RBPJ: variants seen among roughly 807,000 people sequenced by gnomAD.
RBPJ encodes recombining binding protein suppressor of hairless.
Under a neutral mutation model 67.8 loss-of-function variants are expected in RBPJ, and 9 were observed. The ratio of observed to expected loss-of-function variants is 0.13; its 90% confidence interval spans 0.08 to 0.23. RBPJ has a LOEUF of 0.23. RBPJ is among the 10% of genes least tolerant of loss of function. RBPJ has a pLI of 1.00. For synonymous variants in RBPJ, 198 were observed against 203.3 expected, an observed-to-expected ratio of 0.97 and a Z score of 0.22; for missense variants, 305 against 595.6, an observed-to-expected ratio of 0.51 and a Z score of 5.08.
In RBPJ at chr4:26,356,846, G is replaced by A. The variant is rs111290041; in HGVS notation, c.21-29507G>A. Among the ~76,000 whole-genome samples, 11 of 152,312 alleles carry A rather than the reference G, an allele frequency of 7.2e-5. 1 individual carries two copies. Among genetic ancestry groups the A allele is most frequent in the African/African-American group, 2.6e-4 (11 of 41,564 alleles). ...ATTGCTAGTTGCAAAGATATGTGCAGTTATACTTTTGATAGATACTGCCAA... is the reference window on the plus strand; with the variant it reads ...ATTGCTAGTTGCAAAGATATGTGCAATTATACTTTTGATAGATACTGCCAA... On this transcript the variant is annotated intron_variant, in intron 1 of 10. Coordinates refer to ENST00000355476, the MANE Select transcript of RBPJ (RefSeq NM_015874.6).
intron 1 of RBPJ, among the ~76,000 whole-genome samples, chr4:26,249,197 G>A (rs770068648): frequency 2.0e-5 from 3 of 152,122 alleles, no homozygotes; most frequent in Non-Finnish European, 4.4e-5. Context: ...TTTTTAAGAA[G>A]TCTCTTAAGT....
intron 1 of RBPJ, among the ~76,000 whole-genome samples, chr4:26,305,922 G>A (rs1437835938): frequency 6.6e-6 from 1 of 151,684 alleles, no homozygotes; most frequent in African/African-American, 2.4e-5. Context: ...TGGGACTACA[G>A]GCGTGTGCCA....
chr4:26,325,016 T>C (rs1359422113), intron 1 of RBPJ, among the ~76,000 whole-genome samples: 1 of 152,204 alleles, frequency 6.6e-6, no homozygotes, highest in African/African-American at 2.4e-5. Flanking sequence ...CTTAGAAAAG[T>C]GTTTTGCATT....
chr4:26,395,127 A>G (rs541671370), intron 2 of RBPJ, among the ~76,000 whole-genome samples: 3 of 152,266 alleles, frequency 2.0e-5, no homozygotes, highest in Non-Finnish European at 2.9e-5. Context: ...AGGTTGCCTC[A>G]GAGTAAGTAA....
At chr4:26,384,640 A>G (rs1007944615) in intron 1 of RBPJ, 2 of 152,220 alleles carry the variant, frequency 1.3e-5, no homozygotes, top group Non-Finnish European at 2.9e-5. Flanking sequence ...TTTATTCTCC[A>G]TATACTTATT....
intron 1 of RBPJ, among the ~76,000 whole-genome samples, chr4:26,198,758 A>G (rs796907813): frequency 5.3e-5 from 8 of 152,316 alleles, no homozygotes; most frequent in African/African-American, 1.9e-4. Context: ...TTTTAACCAT[A>G]ATACCATCTT....
At chr4:26,400,906 A>G (rs1182736047) in intron 2 of RBPJ, among the ~76,000 whole-genome samples, 4 of 152,258 alleles carry the variant, frequency 2.6e-5, no homozygotes, top group Admixed American at 2.6e-4. Flanking sequence ...ATAAATCTTC[A>G]GTGGGAAGAT....
chr4:26,305,595 TAATACTC>T (rs1425541379), intron 1 of RBPJ, among the ~76,000 whole-genome samples: 1 of 152,100 alleles, frequency 6.6e-6, no homozygotes, highest in Non-Finnish European at 1.5e-5. Context: ...TCTGGATATT[TAATACTC>T]ATGCTATTGG....
intron 3 of RBPJ, among the ~76,000 whole-genome samples, chr4:26,410,580 A>T (rs1733918889): frequency 6.6e-6 from 1 of 152,232 alleles, no homozygotes; most frequent in Admixed American, 6.5e-5. Flanking sequence ...TTCTGAAGTC[A>T]TATTGAGATT....
upstream of RBPJ, among the ~76,000 whole-genome samples, chr4:26,316,474 CAT>C (rs1202007080): frequency 3.0e-5 from 4 of 133,090 alleles, no homozygotes; most frequent in Admixed American, 2.5e-4. Flanking sequence ...TATATACATT[CAT>C]ATATACATAT....
chr4:26,360,342 A>G (rs1049441447), intron 1 of RBPJ, among the ~76,000 whole-genome samples: 11 of 152,204 alleles, frequency 7.2e-5, no homozygotes, highest in African/African-American at 2.2e-4. Flanking sequence ...GTTTAATGGC[A>G]TATCAGATAT....
intron 1 of RBPJ, among the ~76,000 whole-genome samples, chr4:26,302,454 C>T (rs539988868): frequency 6.6e-6 from 1 of 152,332 alleles, no homozygotes; most frequent in Non-Finnish European, 1.5e-5. Flanking sequence ...TTCTCCAGCT[C>T]TCTGGAATGG....
chr4:26,375,030 C>T (rs928639476), intron 1 of RBPJ, among the ~76,000 whole-genome samples: 10 of 151,846 alleles, frequency 6.6e-5, no homozygotes, highest in African/African-American at 1.2e-4. Flanking sequence ...GGGCTGGGCA[C>T]GGTGGCTCAT....
chr4:26,312,827 G>C (rs1484936616), intron 1 of RBPJ, among the ~76,000 whole-genome samples: 2 of 152,222 alleles, frequency 1.3e-5, no homozygotes, highest in Non-Finnish European at 2.9e-5. Context: ...CTGACCTGCA[G>C]TGGTAGGTAA....
intron 1 of RBPJ, among the ~76,000 whole-genome samples, chr4:26,354,190 C>G (rs903496617): frequency 2.0e-5 from 3 of 152,140 alleles, no homozygotes; most frequent in Non-Finnish European, 4.4e-5. Flanking sequence ...CTCGGCCTCC[C>G]AAAGTGCTGG....
At position 26,406,202 on chromosome 4, in the gene RBPJ, G is replaced by A. The variant is rs1220798387; in HGVS notation, c.87G>A (p.Glu29=). The stretch of plus-strand genomic sequence containing the variant: ...AAGCTATGCGAAATTATTTAAAAGA[G>A]CGAGGGGATCAAACAGTACTTATTC... The part of the protein sequence containing the change: ...TREAMRNYLK[E]RGDQTVLILH... Residue 29 remains glutamate, a synonymous_variant, in exon 3 of 11, where the codon GAG becomes GAA. Transcript: ENST00000355476. 4 of 1,612,246 alleles carry A rather than the reference G, an allele frequency of 2.5e-6. No individual in the cohort carries two copies. The highest frequency in any genetic ancestry group is 3.4e-6 in the Non-Finnish European group (4 of 1,178,752).
intron 1 of RBPJ, among the ~76,000 whole-genome samples, chr4:26,222,460 A>C (rs1407470376): frequency 6.8e-6 from 1 of 146,380 alleles, no homozygotes; most frequent in Non-Finnish European, 1.5e-5. Context: ...GCGCCACTGC[A>C]CTCTAGCTTG....
the RBPJ span, among the ~76,000 whole-genome samples, chr4:26,141,272 C>G: frequency 3.6e-4 from 55 of 152,380 alleles, no homozygotes; most frequent in Non-Finnish European, 6.6e-4. Flanking sequence ...TCTGGCCTCT[C>G]TAACCCAGCA....
upstream of RBPJ, among the ~76,000 whole-genome samples, chr4:26,316,502 T>G (rs540461406): frequency 1.4e-3 from 78 of 56,204 alleles, no homozygotes; most frequent in Non-Finnish European, 2.4e-3. Context: ...TATATATTCA[T>G]ATATATTCAT....
Sources: allele counts gnomAD v4.1 joint callset (sites outside exome capture counted in the v4.1 genomes callset), GRCh38; gene constraint gnomAD v4.1.1; transcripts MANE v1.5; gene names NCBI Gene and HGNC (gene_info 2026-07-23, HGNC 2026-07-21).